Variants in FAT2 observed in about 807,000 individuals in gnomAD.
The protein encoded by FAT2 is FAT atypical cadherin 2.
In FAT2, 150 loss-of-function variants were observed where a neutral mutation model predicts 295.3. The observed-to-expected ratio is 0.51, with a 90% CI of 0.44 to 0.58. FAT2 has a LOEUF of 0.58. FAT2 is among the 20% of genes least tolerant of loss of function. The pLI, the probability that FAT2 is intolerant of heterozygous loss-of-function variation, is 0.00. For synonymous variants in FAT2, 2,026 were observed against 2,150.3 expected, an observed-to-expected ratio of 0.94 and a Z score of 1.60; for missense variants, 4,868 against 5,442.7, an observed-to-expected ratio of 0.89 and a Z score of 3.32.
rs1207490087 is a variant in FAT2, at chr5:151,566,529, G to A, written c.2403C>T (p.Ser801=). 2 of 1,613,998 alleles carry A rather than the reference G, an allele frequency of 1.2e-6. No individual in the cohort carries two copies. The highest frequency in any genetic ancestry group is 2.7e-5 in the African/African-American group (2 of 74,916). The change falls in exon 2 of 24, where the codon TCC becomes TCT. Residue 801 remains serine, a synonymous_variant. Coordinates refer to ENST00000261800, the MANE Select transcript of FAT2 (RefSeq NM_001447.3). ...TVYDLGTPQK[S]SWKLLTVNVK... Reference sequence around the variant, plus strand: ...CATTCACTGTCAGCAGCTTCCAGGAGGACTTCTGGGGTGTGCCCAGGTCAT... The same window carrying A: ...CATTCACTGTCAGCAGCTTCCAGGAAGACTTCTGGGGTGTGCCCAGGTCAT...
At chr5:151,527,711 G>A (rs1386319291) in intron 16 of FAT2, among the ~76,000 whole-genome samples, 1 of 152,116 alleles carries the variant, frequency 6.6e-6, no homozygotes, top group Non-Finnish European at 1.5e-5. Context: ...CACACAGTGG[G>A]TGCTCAAAAA....
At chr5:151,514,520 A>G (rs961428567) in intron 20 of FAT2, among the ~76,000 whole-genome samples, 4 of 152,252 alleles carry the variant, frequency 2.6e-5, no homozygotes, top group Admixed American at 2.6e-4. Flanking sequence ...GGAGCAGAAC[A>G]TGGCTGGAGA....
chr5:151,566,941 A>G lies in FAT2; in HGVS notation c.1991T>C (p.Phe664Ser). The change falls in exon 2 of 24, where the codon TTT becomes TCT. Residue 664 changes from phenylalanine to serine, a missense_variant. Physicochemically the swap from Phe to Ser is radical, Grantham distance 155. This residue lies in a region of FAT2 where 3,297 missense variants were observed against 3,669.4 expected (regional missense o/e 0.90). Coordinates refer to ENST00000261800, the MANE Select transcript of FAT2 (RefSeq NM_001447.3). ...LNITVVKDPH[F>S]EVPVTCDKTG... is the part of the protein sequence containing the mutation. ...TTTATCACATGTTACAGGAACTTCAAAATGAGGGTCCTTCACCACAGTAAT... is the reference window on the plus strand; with the variant it reads ...TTTATCACATGTTACAGGAACTTCAGAATGAGGGTCCTTCACCACAGTAAT... The G allele has an allele frequency of 6.2e-7, 1 of 1,614,084 alleles. No homozygotes were observed.
At chr5:151,577,632 A>G (rs1041050919) in intron 1 of FAT2, among the ~76,000 whole-genome samples, 4 of 152,188 alleles carry the variant, frequency 2.6e-5, no homozygotes, top group African/African-American at 4.8e-5. Context: ...GGAGGTGAAC[A>G]GAGTGAGGAA....
chr5:151,553,873 G>C (rs1000141941), intron 5 of FAT2, among the ~76,000 whole-genome samples: 1 of 152,210 alleles, frequency 6.6e-6, no homozygotes, highest in Non-Finnish European at 1.5e-5. Flanking sequence ...GGCTCAGTGT[G>C]GTCGATTCAC....
chr5:151,571,466 T>C (rs1188289668), intron 1 of FAT2, among the ~76,000 whole-genome samples: 4 of 152,232 alleles, frequency 2.6e-5, no homozygotes, highest in Admixed American at 2.6e-4. Flanking sequence ...CCCAGCAAGA[T>C]ACTCTGCTCG....
In FAT2 at chr5:151,567,230, T is replaced by C. The variant is rs545666255; in HGVS notation, c.1702A>G (p.Asn568Asp). 6.2e-6 allele frequency: 10 copies of C among 1,614,142 alleles called. No individual in the cohort carries two copies. In the South Asian group the frequency reaches 1.1e-4, roughly 18 times the overall value. The change falls in exon 2 of 24, where the codon AAC (asparagine) becomes GAC (aspartate). Residue 568 changes from asparagine (N) to aspartate (D), a missense_variant. Physicochemically the swap from Asn to Asp is conservative, Grantham distance 23. Transcript: ENST00000261800. ...NDNQPMFEEV[N>D]CTGSIRQDWP... The stretch of plus-strand genomic sequence containing the variant: ...TCTTGGCGGATAGACCCTGTACAGT[T>C]GACTTCTTCAAACATAGGCTGGTTG...
At chr5:151,588,201 T>C (rs1759252773) in intron 1 of FAT2, among the ~76,000 whole-genome samples, 1 of 152,182 alleles carries the variant, frequency 6.6e-6, no homozygotes, top group Admixed American at 6.6e-5. Context: ...TTTTGTCCCC[T>C]GGAGGGCAGC....
At chr5:151,517,863 A>G in intron 19 of FAT2, 98 bp from the exon 20 acceptor site, 2 of 1,409,780 alleles carry the variant, frequency 1.4e-6, no homozygotes, top group South Asian at 1.3e-5. Flanking sequence ...GGCAGACAGA[A>G]TCATTGCTCA....
Position 151,565,657 on chromosome 5 carries a change from A to ACCCCCCC in FAT2, c.3259+15_3259+16insGGGGGGG. ...ACCTCTGGCCCTGGCACCCCACCCT[A>ACCCCCCC]CCCCACCCCCAGTACCTGTATCTTG... On this transcript the variant is annotated intron_variant, in intron 2 of 23. Coordinates refer to ENST00000261800, the MANE Select transcript of FAT2 (RefSeq NM_001447.3). 1 of 1,038,304 alleles carries ACCCCCCC rather than the reference A, an allele frequency of 9.6e-7. No individual in the cohort carries two copies. The allele number at this position is 1,038,304 out of a possible 1,614,324, so 64.3% of individuals were successfully genotyped here. A position where few individuals can be genotyped will look rare whatever the true frequency, so the allele number is the denominator to read the frequency against.
intron 1 of FAT2, among the ~76,000 whole-genome samples, chr5:151,585,603 T>G (rs919465685): frequency 2.0e-5 from 3 of 152,200 alleles, no homozygotes; most frequent in African/African-American, 7.2e-5. Context: ...CAGAGCAAGA[T>G]TCTGTCTCAA....
In FAT2 at chr5:151,507,137, TCTCTGGCTATA is replaced by T; in HGVS notation, c.12517+6_12517+16del. ...TTCCATCAATCCCAGAGGCTAAGCG[TCTCTGGCTATA>T]CTGACCCATCTCCTCGCTGGACCAG... is the stretch of plus-strand genomic sequence containing the variant. On this transcript the variant is annotated splice_donor_region_variant and intron_variant, in intron 23 of 23. Coordinates refer to ENST00000261800, the MANE Select transcript of FAT2 (RefSeq NM_001447.3). 2.0e-6 allele frequency: 3 copies of T among 1,537,174 alleles called. No homozygotes were observed. The highest frequency in any genetic ancestry group is 2.6e-6 in the Non-Finnish European group (3 of 1,138,494).
intron 2 of FAT2, 83 bp downstream of exon 2, chr5:151,565,590 C>T: frequency 7.2e-7 from 1 of 1,391,690 alleles, no homozygotes; most frequent in Non-Finnish European, 9.6e-7. Flanking sequence ...ACTCCTTTTT[C>T]CTTCAGCCCG....
chr5:151,506,959 A>G (rs914489779), intron 23 of FAT2, among the ~76,000 whole-genome samples, 195 bp downstream of exon 23: 1 of 152,236 alleles, frequency 6.6e-6, no homozygotes, highest in Non-Finnish European at 1.5e-5. Flanking sequence ...AAGGAGTGCA[A>G]TAGAATGAGC....
At chr5:151,539,954 C>T (rs1389766124) in intron 11 of FAT2, among the ~76,000 whole-genome samples, 3 of 152,180 alleles carry the variant, frequency 2.0e-5, no homozygotes. Flanking sequence ...GACTAAATTA[C>T]CCCAGCAGAT....
chr5:151,532,298 A>G (rs1235674123), intron 13 of FAT2, among the ~76,000 whole-genome samples: 1 of 152,220 alleles, frequency 6.6e-6, no homozygotes, highest in African/African-American at 2.4e-5. Flanking sequence ...TCCTTGACTG[A>G]GATAGAACAG....
intron 20 of FAT2, among the ~76,000 whole-genome samples, chr5:151,514,259 A>G (rs1561815986): frequency 6.6e-6 from 1 of 152,222 alleles, no homozygotes; most frequent in South Asian, 2.1e-4. Flanking sequence ...AACTCAAGTA[A>G]AACATTGCAA....
At chr5:151,590,870 C>T (rs1561893251) in intron 1 of FAT2, among the ~76,000 whole-genome samples, 1 of 152,194 alleles carries the variant, frequency 6.6e-6, no homozygotes, top group Non-Finnish European at 1.5e-5. Context: ...ATCCAACTTT[C>T]CACGTGTGCA....
chr5:151,593,342 A>G (rs960375994), upstream of FAT2, among the ~76,000 whole-genome samples: 4 of 152,136 alleles, frequency 2.6e-5, no homozygotes, highest in African/African-American at 9.7e-5. Flanking sequence ...TGTCCAGCGC[A>G]GGGACTGTCT....
Sources: gnomAD v4.1 joint callset for allele counts (sites outside exome capture counted in the v4.1 genomes callset) on GRCh38, gnomAD v4.1.1 for gene constraint, gnomAD v4.1.1 regional missense constraint, MANE v1.5 for transcripts, NCBI Gene and HGNC (gene_info 2026-07-23, HGNC 2026-07-21) for gene names.